Variants in SSPN observed in about 807,000 individuals in gnomAD.
SSPN encodes sarcospan.
In SSPN, 15 loss-of-function variants were observed where a neutral mutation model predicts 19.1. The ratio of observed to expected loss-of-function variants is 0.78; its 90% CI spans 0.52 to 1.21. The LOEUF is 1.21. SSPN is among the 50% of genes most tolerant of loss of function. SSPN has a pLI of 0.00. For synonymous variants in SSPN, 147 were observed against 140.3 expected (o/e 1.05, Z -0.34); for missense variants, 291 against 314.0 (o/e 0.93, Z 0.55).
rs1325867637 is a variant in SSPN, at chr12:26,231,089, A to C, written c.*13A>C. ...GCAAAAGATCTAACATTCTTGCTCA[A>C]AGTTGCGAGAGAAAGTAGCACATGG... On this transcript the variant is annotated 3_prime_UTR_variant, in exon 3 of 3. Coordinates refer to ENST00000242729, the MANE Select transcript of SSPN (RefSeq NM_005086.5). The C allele has an allele frequency of 5.6e-6, 9 of 1,601,284 alleles. No homozygotes were observed. Among genetic ancestry groups the C allele is most frequent in the African/African-American group, 2.7e-5 (2 of 74,526 alleles).
At chr12:26,176,133 G>T (rs1052155304) in intron 1 of SSPN, among the ~76,000 whole-genome samples, 2 of 152,098 alleles carry the variant, frequency 1.3e-5, no homozygotes, top group African/African-American at 4.8e-5. Context: ...CTCAGTGCCT[G>T]GCCTATTCTG....
At chr12:26,155,292 T>C (rs1944549388) in intron 1 of SSPN, among the ~76,000 whole-genome samples, 1 of 151,972 alleles carries the variant, frequency 6.6e-6, no homozygotes, top group Non-Finnish European at 1.5e-5. Context: ...AATTAGAAGA[T>C]GAGAGGGTGA....
chr12:26,137,658 T>TATATACATA (rs56909062), intron 1 of SSPN, among the ~76,000 whole-genome samples: 1 of 30,368 alleles, frequency 3.3e-5, no homozygotes, highest in Non-Finnish European at 5.7e-5. Flanking sequence ...ATATATATAT[T>TATATACATA]TTTTTTTTTT....
chr12:26,201,011 GTATATATATATATATATA>G (rs869035319), intron 1 of SSPN, among the ~76,000 whole-genome samples: 2 of 76,044 alleles, frequency 2.6e-5, no homozygotes, highest in African/African-American at 9.3e-5. Flanking sequence ...GTTAATTTGT[GTATATATATATATATATA>G]TATATATATA....
intron 1 of SSPN, among the ~76,000 whole-genome samples, chr12:26,217,980 G>T (rs1043073812): frequency 2.0e-5 from 3 of 151,790 alleles, no homozygotes; most frequent in East Asian, 1.9e-4. Context: ...TATACTCAAA[G>T]GACTATAAAT....
chr12:26,233,457 CAAAT>C lies in SSPN; in HGVS notation c.*2383_*2386del, dbSNP rs1467085963. The C allele has an allele frequency of 1.3e-5, 2 of 151,518 alleles. No homozygotes were observed. Among genetic ancestry groups the C allele is most frequent in the Non-Finnish European group, 2.9e-5 (2 of 67,946 alleles). 9.4% of individuals were successfully genotyped at this position (151,518 alleles called of 1,614,324 possible). A position where few individuals can be genotyped will look rare whatever the true frequency, so the allele number is the denominator to read the frequency against. On this transcript the variant is annotated 3_prime_UTR_variant, in exon 3 of 3. Coordinates refer to ENST00000242729, the MANE Select transcript of SSPN (RefSeq NM_005086.5). This position sits in a 1 kb window ranked among gnomAD's most constrained non-coding sequence, Gnocchi z 4.3. ...GTCCCCAAGGAAAAAAAATCATAAA[CAAAT>C]AGAAAGAACTAAACAGAAAAGAAAG... is the stretch of plus-strand genomic sequence containing the variant.
At chr12:26,198,174 G>GA (rs1157199762) in intron 1 of SSPN, among the ~76,000 whole-genome samples, 1 of 148,856 alleles carries the variant, frequency 6.7e-6, no homozygotes, top group Non-Finnish European at 1.5e-5. Flanking sequence ...TTTGGGGGGG[G>GA]GTTTTTGGAG....
At chr12:26,179,292 C>T (rs762087531) in intron 1 of SSPN, among the ~76,000 whole-genome samples, 3 of 152,026 alleles carry the variant, frequency 2.0e-5, no homozygotes, top group Non-Finnish European at 4.4e-5. Flanking sequence ...AAGGTGAGGG[C>T]GGAGGGGCCA....
chr12:26,123,514 A>G, intron 1 of SSPN: 1 of 818,500 alleles, frequency 1.2e-6, no homozygotes, highest in Non-Finnish European at 2.1e-6. Flanking sequence ...AACAAATGAG[A>G]GGGAACCCAT....
At chr12:26,123,446 C>T (rs1440185333) in intron 1 of SSPN, among the ~76,000 whole-genome samples, 2 of 152,152 alleles carry the variant, frequency 1.3e-5, no homozygotes, top group Non-Finnish European at 2.9e-5. Flanking sequence ...CTGCTGAAAG[C>T]CTCTAGGATG....
chr12:26,198,876 C>T (rs186371299), intron 1 of SSPN, among the ~76,000 whole-genome samples: 245 of 152,236 alleles, frequency 1.6e-3, no homozygotes, highest in Admixed American at 2.5e-3. Flanking sequence ...CGGGTTATAT[C>T]AGTTTTCCCT....
intron 1 of SSPN, among the ~76,000 whole-genome samples, chr12:26,127,159 A>G (rs904856134): frequency 1.3e-5 from 2 of 152,242 alleles, no homozygotes; most frequent in Admixed American, 6.5e-5. Flanking sequence ...TCCAGAGCTA[A>G]ATTTCACTTG....
At position 26,195,692 on chromosome 12, in the gene SSPN, C is replaced by A; in HGVS notation, c.20C>A (p.Pro7Gln). The A allele has an allele frequency of 7.6e-7, 1 of 1,311,602 alleles. No homozygotes were observed. The highest frequency in any genetic ancestry group is 3.7e-5 in the East Asian group (1 of 27,022). 81.2% of individuals were successfully genotyped at this position (1,311,602 alleles called of 1,614,324 possible). A position where few individuals can be genotyped will look rare whatever the true frequency, so the allele number is the denominator to read the frequency against. Residue 7 changes from proline to glutamine, a missense_variant, in exon 1 of 3, where the codon CCA becomes CAA. Physicochemically the swap from Pro to Gln is moderately conservative, Grantham distance 76 (BLOSUM62 -1). Around this residue, in one of 3 missense-constraint regions of SSPN, gnomAD observed 139 missense variants for 119.6 expected, o/e 1.16. Coordinates refer to ENST00000242729, the MANE Select transcript of SSPN (RefSeq NM_005086.5). Reference protein sequence around the residue: MGKNKQPRGQQRQGGPP... With the variant: MGKNKQQRGQQRQGGPP... The stretch of plus-strand genomic sequence containing the variant: ...AGCGCCATGGGCAAGAACAAGCAGC[C>A]ACGCGGCCAGCAGAGGCAGGGGGGC...
In SSPN at chr12:26,140,922, G is replaced by A. The variant is rs531684254; in HGVS notation, c.-31+18770G>A. On this transcript the variant is annotated intron_variant, in intron 1 of 2. Transcript: ENST00000538142. ...TTCATCACACAGATCTTTCACACAGGAACTCTTAAAATATAAAGCAGCTCC... is the reference window on the plus strand; with the variant it reads ...TTCATCACACAGATCTTTCACACAGAAACTCTTAAAATATAAAGCAGCTCC... 9.2e-5 allele frequency among the ~76,000 whole-genome samples: 14 copies of A among 152,190 alleles called. No homozygotes were observed. In the South Asian group the frequency reaches 1.0e-3, roughly 11 times the overall value.
chr12:26,176,362 A>T (rs910989599), intron 1 of SSPN, among the ~76,000 whole-genome samples: 3 of 152,240 alleles, frequency 2.0e-5, no homozygotes, highest in African/African-American at 7.2e-5. Flanking sequence ...TAGTAATGAA[A>T]GGGGAGACTA....
intron 1 of SSPN, among the ~76,000 whole-genome samples, chr12:26,185,967 G>A (rs1261620637): frequency 6.6e-6 from 1 of 152,166 alleles, no homozygotes; most frequent in Non-Finnish European, 1.5e-5. Context: ...AGGTTGCTTG[G>A]CAATATCAGG....
At chr12:26,151,595 G>A (rs1944525820) in intron 1 of SSPN, among the ~76,000 whole-genome samples, 1 of 152,140 alleles carries the variant, frequency 6.6e-6, no homozygotes, top group Non-Finnish European at 1.5e-5. Context: ...GTAAATCAGT[G>A]AACAAACAGA....
intron 1 of SSPN, among the ~76,000 whole-genome samples, chr12:26,165,688 A>T (rs1056933456): frequency 6.6e-6 from 1 of 152,214 alleles, no homozygotes; most frequent in African/African-American, 2.4e-5. Flanking sequence ...CCAATCAGAG[A>T]TGAGGCACTT....
In SSPN at chr12:26,189,683, C is replaced by T. The variant is rs193083434; in HGVS notation, c.-30-34610C>T. Reference sequence around the variant, plus strand: ...TCCTTCCCTTCACAGCTAAGTGTCTCGATAGATTCCTTTACGTATATTCTC... The same window carrying T: ...TCCTTCCCTTCACAGCTAAGTGTCTTGATAGATTCCTTTACGTATATTCTC... On this transcript the variant is annotated intron_variant, in intron 1 of 2. Coordinates refer to the SSPN transcript ENST00000538142. 2.5e-3 allele frequency among the ~76,000 whole-genome samples: 380 copies of T among 152,312 alleles called. 4 individuals carry two copies. Among genetic ancestry groups the T allele is most frequent in the African/African-American group, 8.5e-3 (355 of 41,558 alleles).
Sources: allele counts gnomAD v4.1 joint callset (sites outside exome capture counted in the v4.1 genomes callset), GRCh38; gene constraint gnomAD v4.1.1; regional missense constraint gnomAD v4.1.1; non-coding constraint Gnocchi (gnomAD v3.1); transcripts MANE v1.5; gene names NCBI Gene and HGNC (gene_info 2026-07-23, HGNC 2026-07-21).